KCNB2: variants seen among roughly 807,000 people sequenced by gnomAD.
The protein encoded by KCNB2 is delayed rectifier potassium channel protein.
Under a neutral mutation model 61.5 loss-of-function variants are expected in KCNB2, and 15 were observed. The ratio of observed to expected loss-of-function variants is 0.24; its 90% confidence interval spans 0.16 to 0.38. The LOEUF (loss-of-function observed/expected upper bound fraction) is 0.38, where lower values mean the gene tolerates loss of function less well. Ranked by LOEUF, KCNB2 falls within the 10% of genes least tolerant of loss-of-function variation. KCNB2 has a pLI of 1.00. For synonymous variants in KCNB2, 457 were observed against 446.0 expected (o/e 1.02, Z -0.31); for missense variants, 828 against 1,125.2 (o/e 0.74, Z 3.78).
At chr8:72,798,662 T>A (rs1027294394) in intron 2 of KCNB2, among the ~76,000 whole-genome samples, 4 of 152,074 alleles carry the variant, frequency 2.6e-5, no homozygotes. Context: ...CCACCTCCCA[T>A]CTCCCACCAA....
At chr8:72,854,877 C>T (rs757725339) in intron 2 of KCNB2, among the ~76,000 whole-genome samples, 5 of 152,006 alleles carry the variant, frequency 3.3e-5, no homozygotes, top group Non-Finnish European at 7.4e-5. Flanking sequence ...AAACTAAGAG[C>T]AATAATCCAG....
At chr8:72,609,395 T>G (rs1365306561) in intron 2 of KCNB2, among the ~76,000 whole-genome samples, 1 of 152,244 alleles carries the variant, frequency 6.6e-6, no homozygotes, top group Non-Finnish European at 1.5e-5. Context: ...AGTCAACACT[T>G]CTTTTTCAAG....
chr8:72,636,745 G>T (rs912042826), intron 2 of KCNB2, among the ~76,000 whole-genome samples: 2 of 152,072 alleles, frequency 1.3e-5, no homozygotes, highest in African/African-American at 4.8e-5. Flanking sequence ...CAAATCTTAT[G>T]GTCTCTTAGA....
intron 2 of KCNB2, among the ~76,000 whole-genome samples, chr8:72,700,376 A>T (rs1219282421): frequency 1.3e-5 from 2 of 152,182 alleles, no homozygotes; most frequent in East Asian, 3.9e-4. Flanking sequence ...TTAATTAATT[A>T]ATTTAATTTA....
chr8:72,930,945 T>C (rs945171153), intron 2 of KCNB2, among the ~76,000 whole-genome samples: 3 of 152,240 alleles, frequency 2.0e-5, no homozygotes, highest in Non-Finnish European at 2.9e-5. Context: ...AACATTTAAG[T>C]CTTTAATCCA....
chr8:72,677,865 A>G (rs1806687164), intron 2 of KCNB2, among the ~76,000 whole-genome samples: 1 of 152,190 alleles, frequency 6.6e-6, no homozygotes, highest in Non-Finnish European at 1.5e-5. Flanking sequence ...ATCTACATTC[A>G]TTCTTAAATT....
intron 2 of KCNB2, among the ~76,000 whole-genome samples, chr8:72,883,198 C>A (rs567077931): frequency 6.6e-6 from 1 of 152,282 alleles, no homozygotes; most frequent in East Asian, 1.9e-4. Flanking sequence ...TTCTTTATCT[C>A]AGAACATCAG....
chr8:72,644,005 C>T (rs1348290536), intron 2 of KCNB2, among the ~76,000 whole-genome samples: 2 of 152,124 alleles, frequency 1.3e-5, no homozygotes, highest in Non-Finnish European at 2.9e-5. Context: ...TGCTTTGCAA[C>T]ATCTGGGAAA....
At chr8:72,842,999 G>C (rs1809920075) in intron 2 of KCNB2, among the ~76,000 whole-genome samples, 1 of 151,990 alleles carries the variant, frequency 6.6e-6, no homozygotes. Flanking sequence ...ATTTGCTCTT[G>C]CTTCTCTAGT....
chr8:72,809,249 A>T (rs1809269309), intron 2 of KCNB2, among the ~76,000 whole-genome samples: 1 of 152,134 alleles, frequency 6.6e-6, no homozygotes, highest in South Asian at 2.1e-4. Flanking sequence ...ATAAAGTTCA[A>T]ACATCATGTA....
intron 2 of KCNB2, among the ~76,000 whole-genome samples, chr8:72,719,165 A>G (rs959160676): frequency 1.1e-4 from 16 of 152,096 alleles, no homozygotes; most frequent in African/African-American, 3.6e-4. Context: ...TGCAATGGGA[A>G]TACATGGAAT....
chr8:72,917,331 G>A (rs1806419691), intron 2 of KCNB2, among the ~76,000 whole-genome samples: 1 of 152,150 alleles, frequency 6.6e-6, no homozygotes, highest in Non-Finnish European at 1.5e-5. Context: ...ACTATAATCA[G>A]TTGACTAAAA....
chr8:72,830,736 G>A (rs7002599), intron 2 of KCNB2, among the ~76,000 whole-genome samples: 78,295 of 152,076 alleles, frequency 0.51, 20,758 homozygotes, highest in Non-Finnish European at 0.58. Flanking sequence ...ACCAGAACTA[G>A]TAATCAACAC....
intron 2 of KCNB2, among the ~76,000 whole-genome samples, chr8:72,669,130 G>T (rs1806523173): frequency 6.6e-6 from 1 of 152,058 alleles, no homozygotes; most frequent in African/African-American, 2.4e-5. Flanking sequence ...TTATGAAACT[G>T]CCCACTTTCT....
At chr8:72,560,493 G>C (rs1806494838) in intron 1 of KCNB2, among the ~76,000 whole-genome samples, 1 of 152,152 alleles carries the variant, frequency 6.6e-6, no homozygotes, top group Non-Finnish European at 1.5e-5. Context: ...AGTACCAGTA[G>C]ATTCTCTGTT....
intron 2 of KCNB2, among the ~76,000 whole-genome samples, chr8:72,785,457 G>T (rs1298801238): frequency 6.6e-6 from 1 of 152,126 alleles, no homozygotes; most frequent in Non-Finnish European, 1.5e-5. Context: ...AATACACTCT[G>T]CTATGGTTCT....
intron 2 of KCNB2, among the ~76,000 whole-genome samples, chr8:72,721,139 T>C (rs1336440138): frequency 2.0e-5 from 3 of 152,234 alleles, no homozygotes; most frequent in Non-Finnish European, 4.4e-5. Context: ...ACTGAAACTT[T>C]AAAATTGAAA....
At chr8:72,645,143 C>T (rs1806109598) in intron 2 of KCNB2, among the ~76,000 whole-genome samples, 1 of 152,150 alleles carries the variant, frequency 6.6e-6, no homozygotes, top group Non-Finnish European at 1.5e-5. Context: ...TAACCAGTGT[C>T]ACACCAGTGA....
rs1159225421 is a variant in KCNB2, at chr8:72,838,857, A to G, written c.580-97078A>G. 2.0e-5 allele frequency among the ~76,000 whole-genome samples: 3 copies of G among 152,360 alleles called. No individual in the cohort carries two copies. The East Asian group carries it at 5.8e-4, about 29-fold the overall frequency. On this transcript the variant is annotated intron_variant, in intron 2 of 2. Transcript: ENST00000523207. ...TGAAATTTCTAGGTGTTTGAAGCCA[A>G]TAAGTGTTTGGGGTATTGAATGAGC...
Sources: gnomAD v4.1 joint callset for allele counts (sites outside exome capture counted in the v4.1 genomes callset) on GRCh38, gnomAD v4.1.1 for gene constraint, MANE v1.5 for transcripts, NCBI Gene and HGNC (gene_info 2026-07-23, HGNC 2026-07-21) for gene names.